The following EIF4E2 variants were observed in gnomAD, a reference collection of about 807,000 sequenced individuals.
EIF4E2 encodes eukaryotic translation initiation factor 4E family member 2, also known as eukaryotic translation initiation factor 4E type 2.
Under a neutral mutation model 34.2 loss-of-function variants are expected in EIF4E2, and 13 were observed. The observed-to-expected ratio is 0.38, with a 90% CI of 0.25 to 0.60. The LOEUF (loss-of-function observed/expected upper bound fraction) is 0.60. Ranked by LOEUF, EIF4E2 falls within the 20% of genes least tolerant of loss-of-function variation. The pLI, the probability that EIF4E2 is intolerant of heterozygous loss-of-function variation, is 0.62. For missense variants in EIF4E2, 222 were observed against 315.1 expected, an observed-to-expected ratio of 0.70 and a Z score of 2.24; for synonymous variants, 100 against 106.6, an observed-to-expected ratio of 0.94 and a Z score of 0.38.
chr2:232,573,807 C>T (rs1253994978), downstream of EIF4E2: 1 of 324,952 alleles, frequency 3.1e-6, no homozygotes, highest in African/African-American at 2.2e-5. Flanking sequence ...CATCTTTAGA[C>T]ATCATAATGC....
At chr2:232,574,342 G>A in intron 6 of EIF4E2, 2 of 1,550,518 alleles carry the variant, frequency 1.3e-6, no homozygotes, top group Non-Finnish European at 1.7e-6. Flanking sequence ...CACACTCAGG[G>A]TAGGGCCTTG....
In EIF4E2 at chr2:232,568,957, G is replaced by T. The variant is rs149648709; in HGVS notation, c.678G>T (p.Arg226Ser). ...GCACTTCCACTAGAATGCCAGGCAGGCTGGGCCCCCAAAGGCTCCTTTTTC... is the reference window on the plus strand; with the variant it reads ...GCACTTCCACTAGAATGCCAGGCAGTCTGGGCCCCCAAAGGCTCCTTTTTC... ...THTDSIKMPGRLGPQRLLFQN... is the reference protein window; with the variant it reads ...THTDSIKMPGSLGPQRLLFQN... The change falls in exon 7 of 7, where the codon AGG becomes AGT. Residue 226 changes from arginine to serine, a missense_variant. By Grantham distance (110) the Arg-to-Ser change is moderately radical. Around this residue, in one of 3 missense-constraint regions of EIF4E2, gnomAD observed 30 missense variants for 26.3 expected, o/e 1.14. Coordinates refer to ENST00000258416, the MANE Select transcript of EIF4E2 (RefSeq NM_004846.4). The T allele has an allele frequency of 1.9e-6, 3 of 1,614,180 alleles. No homozygotes were observed. Among genetic ancestry groups the T allele is most frequent in the Admixed American group, 1.7e-5 (1 of 60,022 alleles).
In EIF4E2 at chr2:232,557,940, C is replaced by T. The variant is rs1692582477; in HGVS notation, c.192C>T (p.Tyr64=). The T allele has an allele frequency of 6.2e-7, 1 of 1,614,006 alleles. No homozygotes were observed. The highest frequency in any genetic ancestry group is 1.3e-5 in the African/African-American group (1 of 74,910). ...TGCAGTACAACTACACTTTTTGGTA[C>T]TCCAGGAGAACCCCCGGCCGTCCCA... ...HPLQYNYTFW[Y]SRRTPGRPTS... The change falls in exon 3 of 7, where the codon TAC becomes TAT. Residue 64 remains tyrosine, a synonymous_variant. Coordinates refer to ENST00000258416, the MANE Select transcript of EIF4E2 (RefSeq NM_004846.4).
intron 1 of EIF4E2, among the ~76,000 whole-genome samples, chr2:232,551,975 C>T (rs190718875): frequency 1.1e-4 from 17 of 152,212 alleles, no homozygotes; most frequent in East Asian, 5.8e-4. Context: ...CCCCCGCTGC[C>T]GCCCCATTTC....
intron 1 of EIF4E2, chr2:232,551,059 G>T: frequency 3.2e-6 from 2 of 632,960 alleles, no homozygotes; most frequent in Non-Finnish European, 5.9e-6. Flanking sequence ...ACGTGGAGGG[G>T]TGGGGACCTC....
chr2:232,567,279 G>A (rs1037414454), intron 6 of EIF4E2, 65 bp downstream of exon 6: 4 of 1,600,916 alleles, frequency 2.5e-6, no homozygotes, highest in Non-Finnish European at 3.4e-6. Flanking sequence ...CTGTAGTTGG[G>A]CCCAGAGGAA....
chr2:232,557,792 G>A, intron 2 of EIF4E2, 92 bp from the exon 3 acceptor site: 1 of 1,388,630 alleles, frequency 7.2e-7, no homozygotes, highest in Non-Finnish European at 9.9e-7. Context: ...TTTTAATTGT[G>A]GAGGTGGTAA....
At chr2:232,567,889 GGA>G in intron 6 of EIF4E2, 1 of 985,452 alleles carries the variant, frequency 1.0e-6, no homozygotes, top group Non-Finnish European at 1.2e-6. Flanking sequence ...AAAAGTGTGG[GGA>G]GTGGCTGTCA....
chr2:232,555,646 T>A (rs1428607873), intron 1 of EIF4E2, among the ~76,000 whole-genome samples: 1 of 152,138 alleles, frequency 6.6e-6, no homozygotes, highest in African/African-American at 2.4e-5. Context: ...CTAAGGGAAC[T>A]CTCTCTCTAG....
intron 4 of EIF4E2, among the ~76,000 whole-genome samples, chr2:232,565,593 C>T (rs1252623291): frequency 2.6e-5 from 4 of 151,990 alleles, no homozygotes; most frequent in African/African-American, 9.7e-5. Context: ...AAGATTGTGC[C>T]ACTGCACTCC....
chr2:232,559,877 A>G (rs1343940675), intron 3 of EIF4E2, among the ~76,000 whole-genome samples: 4 of 151,072 alleles, frequency 2.6e-5, no homozygotes, highest in South Asian at 2.1e-4. Flanking sequence ...TGTGGTCCCA[A>G]CTACTCAGGA....
In EIF4E2 at chr2:232,581,333, ATGTC is replaced by A; in HGVS notation, c.*394_*397del. ...TTGATGAGAGTTACCAGTATTATGA[ATGTC>A]TGTGCATCCAGGAAAAGTGTTCTGT... On this transcript the variant is annotated 3_prime_UTR_variant, in exon 7 of 7. Transcript: ENST00000409098. This position sits in a 1 kb window ranked among gnomAD's most constrained non-coding sequence, Gnocchi z 5.2. 1.1e-5 allele frequency: 4 copies of A among 360,080 alleles called. No individual in the cohort carries two copies. The highest frequency in any genetic ancestry group is 8.7e-5 in the South Asian group (4 of 45,858). The allele number at this position is 360,080 out of a possible 1,614,324, so 22.3% of individuals were successfully genotyped here.
chr2:232,563,556 G>T (rs564926665), intron 3 of EIF4E2, among the ~76,000 whole-genome samples: 11 of 152,284 alleles, frequency 7.2e-5, no homozygotes, highest in Admixed American at 7.2e-4. Context: ...TAAGAAGAGG[G>T]CCTTAAACCC....
rs1206492597 is a variant in EIF4E2 at position 232,556,443 on chromosome 2, T to C, written c.48T>C (p.His16=). Residue 16 remains histidine, a synonymous_variant, in exon 2 of 7, where the codon CAT becomes CAC. Coordinates refer to ENST00000258416, the MANE Select transcript of EIF4E2 (RefSeq NM_004846.4). ...DALKDDDSGD[H]DQNEENSTQK... Reference sequence around the variant, plus strand: ...TGAAAGATGATGACAGTGGGGACCATGATCAGAATGAAGAAAACAGCACAC... The same window carrying C: ...TGAAAGATGATGACAGTGGGGACCACGATCAGAATGAAGAAAACAGCACAC... 1 of 1,613,756 alleles carries C rather than the reference T, an allele frequency of 6.2e-7. No homozygotes were observed. The highest frequency in any genetic ancestry group is 8.5e-7 in the Non-Finnish European group (1 of 1,179,902).
At chr2:232,575,970 C>T (rs190022933) in intron 6 of EIF4E2, among the ~76,000 whole-genome samples, 11 of 152,164 alleles carry the variant, frequency 7.2e-5, no homozygotes, top group Non-Finnish European at 1.5e-4. Context: ...CTTTGGGAGG[C>T]CAAGGCGGGC....
intron 1 of EIF4E2, among the ~76,000 whole-genome samples, chr2:232,554,644 T>A (rs751387792): frequency 6.6e-6 from 1 of 152,176 alleles, no homozygotes; most frequent in Non-Finnish European, 1.5e-5. Flanking sequence ...CAGATGATGG[T>A]CTCCTGGAAG....
Position 232,581,191 on chromosome 2 carries a change from G to T in EIF4E2, c.*248G>T. 2 of 618,202 alleles carry T rather than the reference G, an allele frequency of 3.2e-6. No homozygotes were observed. Among genetic ancestry groups the T allele is most frequent in the Admixed American group, 2.1e-5 (1 of 46,580 alleles). 38.3% of individuals were successfully genotyped at this position (618,202 alleles called of 1,614,324 possible). ...CATTGTTTTTTAATGGGGTTCCATG[G>T]GGGGGCGTTCAGCCTTTCTGTTTGC... On this transcript the variant is annotated 3_prime_UTR_variant, in exon 7 of 7. Transcript: ENST00000409098. The surrounding 1 kb of genome is among the most constrained non-coding windows in gnomAD (Gnocchi z 5.2).
chr2:232,561,817 T>A (rs1692733271), intron 3 of EIF4E2, among the ~76,000 whole-genome samples: 1 of 152,184 alleles, frequency 6.6e-6, no homozygotes, highest in Non-Finnish European at 1.5e-5. Context: ...AACAAGTTGC[T>A]GACATGATTT....
chr2:232,567,299 A>G, intron 6 of EIF4E2, 85 bp downstream of exon 6: 3 of 1,579,388 alleles, frequency 1.9e-6, no homozygotes, highest in Non-Finnish European at 2.6e-6. Context: ...ATATGGCCGG[A>G]CAGGAGACTT....
Sources: allele counts gnomAD v4.1 joint callset (sites outside exome capture counted in the v4.1 genomes callset), GRCh38; gene constraint gnomAD v4.1.1; regional missense constraint gnomAD v4.1.1; non-coding constraint Gnocchi (gnomAD v3.1); transcripts MANE v1.5; gene names NCBI Gene and HGNC (gene_info 2026-07-23, HGNC 2026-07-21).